Variants in PHEX observed in about 807,000 individuals in gnomAD.
PHEX encodes phosphate regulating endopeptidase X-linked, also known as phosphate-regulating neutral endopeptidase PHEX.
In PHEX, 16 loss-of-function variants were observed where a neutral mutation model predicts 68.0. The observed-to-expected ratio is 0.24, with a 90% CI of 0.16 to 0.36. The LOEUF is 0.36. PHEX is among the 10% of genes least tolerant of loss of function. PHEX has a pLI of 1.00. For missense variants in PHEX, 480 were observed against 575.5 expected, an observed-to-expected ratio of 0.83 and a Z score of 1.70; for synonymous variants, 208 against 205.1, an observed-to-expected ratio of 1.01 and a Z score of -0.12.
intron 3 of PHEX, among the ~76,000 whole-genome samples, chrX:22,075,293 TTTTTTTTTTTTTTG>T (rs1251703333): frequency 9.6e-6 from 1 of 103,884 alleles, no homozygotes; most frequent in Non-Finnish European, 2.0e-5. Flanking sequence ...TGCTTTTTTT[TTTTTTTTTTTTTTG>T]AACTGTAGAA....
At chrX:22,156,086 A>C (rs1216981598) in intron 12 of PHEX, among the ~76,000 whole-genome samples, 1 of 112,156 alleles carries the variant, frequency 8.9e-6, no homozygotes, top group African/African-American at 3.2e-5. Context: ...AGATGGATTA[A>C]CAAGAGAAAA....
rs749636231 is a variant in PHEX, at chrX:22,155,870, C to T, written c.1405-12442C>T. Among the ~76,000 whole-genome samples, 183 of 111,152 alleles carry T rather than the reference C, an allele frequency of 1.6e-3. 1 individual carries two copies. Among genetic ancestry groups the T allele is most frequent in the African/African-American group, 5.9e-3 (180 of 30,609 alleles). ...TTGTGTAGAAGAGGGGTTGGCAAAC[C>T]ATTTCTGTAAAGAGACAAATGGTAA... On this transcript the variant is annotated intron_variant, in intron 12 of 21. Coordinates refer to ENST00000379374, the MANE Select transcript of PHEX (RefSeq NM_000444.6).
intron 2 of PHEX, among the ~76,000 whole-genome samples, chrX:22,044,474 G>A (rs1003713167): frequency 2.7e-5 from 3 of 111,559 alleles, no homozygotes; most frequent in Admixed American, 9.6e-5. Context: ...CACTTTGGGA[G>A]GCCAAGGTGG....
intron 10 of PHEX, among the ~76,000 whole-genome samples, chrX:22,113,943 CTTTTT>C (rs746349559): frequency 1.6e-5 from 1 of 63,996 alleles, no homozygotes; most frequent in Non-Finnish European, 2.9e-5. Context: ...TCTTCTTCTT[CTTTTT>C]TTTTTTTTTT....
chrX:22,160,172 C>T (rs1933071668), intron 12 of PHEX, among the ~76,000 whole-genome samples: 1 of 111,805 alleles, frequency 8.9e-6, no homozygotes, highest in Non-Finnish European at 1.9e-5. Flanking sequence ...CACAGTTCCA[C>T]ATGGCTGGGG....
At chrX:22,244,648 T>C (rs1233936502) in intron 20 of PHEX, among the ~76,000 whole-genome samples, 1 of 111,363 alleles carries the variant, frequency 9.0e-6, no homozygotes, top group Non-Finnish European at 1.9e-5. Flanking sequence ...GTCTATATCT[T>C]GGCATGTGCT....
intron 1 of PHEX, among the ~76,000 whole-genome samples, chrX:22,037,337 C>T (rs1232694283): frequency 9.0e-6 from 1 of 111,169 alleles, no homozygotes; most frequent in East Asian, 2.8e-4. Flanking sequence ...AGCTTTCTGC[C>T]ACAGAGGGCC....
chrX:22,177,114 C>A (rs1025486861), intron 13 of PHEX, among the ~76,000 whole-genome samples: 2 of 111,254 alleles, frequency 1.8e-5, no homozygotes, highest in Admixed American at 9.6e-5. Context: ...AACTTCTCCA[C>A]GGACATGAGA....
At chrX:22,133,775 A>G (rs1932118494) in intron 12 of PHEX, 151 bp downstream of exon 12, 2 of 477,041 alleles carry the variant, frequency 4.2e-6, no homozygotes, top group Admixed American at 7.2e-5. Flanking sequence ...ATGAATACAT[A>G]GATTTTTGTT....
chrX:22,054,557 C>T (rs923132121), intron 3 of PHEX, among the ~76,000 whole-genome samples: 21 of 111,760 alleles, frequency 1.9e-4, no homozygotes, highest in Non-Finnish European at 3.6e-4. Flanking sequence ...AACTCAGCTT[C>T]TGTAATTTTG....
intron 15 of PHEX, among the ~76,000 whole-genome samples, chrX:22,194,161 C>T (rs1042291361): frequency 8.0e-5 from 9 of 111,869 alleles, no homozygotes; most frequent in Admixed American, 1.9e-4. Context: ...CCAATGGTTT[C>T]ATGAAAGCTC....
At chrX:22,146,838 A>T (rs757092385) in intron 12 of PHEX, among the ~76,000 whole-genome samples, 2 of 92,254 alleles carry the variant, frequency 2.2e-5, no homozygotes, top group African/African-American at 4.0e-5. Flanking sequence ...TAAATAAAAT[A>T]AAATTAATTA....
chrX:22,045,477 G>C (rs1044364695), intron 2 of PHEX, among the ~76,000 whole-genome samples: 1 of 111,921 alleles, frequency 8.9e-6, no homozygotes, highest in Admixed American at 9.5e-5. Context: ...GAAGAGCATT[G>C]GAGTTCAATA....
At chrX:22,227,428 AT>A (rs1935544044) in intron 19 of PHEX, 78 bp from the exon 20 acceptor site, 1 of 657,376 alleles carries the variant, frequency 1.5e-6, no homozygotes, top group South Asian at 2.2e-5. Flanking sequence ...AGGAGTATAT[AT>A]TTGCTATTCC....
At chrX:22,131,944 T>G (rs1277756063) in intron 11 of PHEX, among the ~76,000 whole-genome samples, 1 of 111,433 alleles carries the variant, frequency 9.0e-6, no homozygotes, top group Non-Finnish European at 1.9e-5. Flanking sequence ...AGTAGCCCCT[T>G]TCCTCCAGTC....
chrX:22,129,214 A>G (rs1459033380), intron 11 of PHEX, among the ~76,000 whole-genome samples: 1 of 111,327 alleles, frequency 9.0e-6, no homozygotes, highest in Non-Finnish European at 1.9e-5. Flanking sequence ...ACAGGCTGGG[A>G]TGGCATGAAA....
chrX:22,142,514 G>A (rs1484799701), intron 12 of PHEX, among the ~76,000 whole-genome samples: 6 of 111,973 alleles, frequency 5.4e-5, no homozygotes, highest in South Asian at 7.5e-4. Context: ...AACTTGATAA[G>A]TTTGTTTTTT....
At position 22,198,532 on chromosome X, in the gene PHEX, T is replaced by C. The variant is rs1438847855; in HGVS notation, c.1645+8030T>C. Among the ~76,000 whole-genome samples, 4 of 110,935 alleles carry C rather than the reference T, an allele frequency of 3.6e-5. No homozygotes were observed. In the East Asian group the frequency reaches 8.5e-4, roughly 23 times the overall value. ...GACTTTGGAAAGAAAAAGAAATTTC[T>C]CTGGGCACAGAAGTGAGATTAGGGC... On this transcript the variant is annotated intron_variant, in intron 15 of 21. Transcript: ENST00000379374.
intron 3 of PHEX, among the ~76,000 whole-genome samples, chrX:22,064,725 A>T (rs1928523415): frequency 8.9e-6 from 1 of 111,993 alleles, no homozygotes; most frequent in Non-Finnish European, 1.9e-5. Flanking sequence ...ATATATTGCA[A>T]ATTTGTTTGC....
Sources: allele counts gnomAD v4.1 joint callset (sites outside exome capture counted in the v4.1 genomes callset), GRCh38; gene constraint gnomAD v4.1.1; transcripts MANE v1.5; gene names NCBI Gene and HGNC (gene_info 2026-07-23, HGNC 2026-07-21).